FAM114A2: variants seen among roughly 807,000 people sequenced by gnomAD.
The protein encoded by FAM114A2 is protein FAM114A2.
Under a neutral mutation model 58.4 loss-of-function variants are expected in FAM114A2, and 53 were observed. The observed-to-expected ratio is 0.91, with a 90% CI of 0.73 to 1.14. The LOEUF (loss-of-function observed/expected upper bound fraction) is 1.14. FAM114A2 is among the 50% of genes most tolerant of loss of function. The pLI, the probability that FAM114A2 is intolerant of heterozygous loss-of-function variation, is 0.00. For missense variants in FAM114A2, 601 were observed against 581.1 expected, an observed-to-expected ratio of 1.03 and a Z score of -0.35; for synonymous variants, 228 against 211.4, an observed-to-expected ratio of 1.08 and a Z score of -0.68.
intron 8 of FAM114A2, among the ~76,000 whole-genome samples, chr5:154,020,312 A>G (rs1390121040): frequency 7.5e-6 from 1 of 133,872 alleles, no homozygotes; most frequent in Non-Finnish European, 1.6e-5. Context: ...GCAGAACTGA[A>G]GGAGATAGAG....
intron 8 of FAM114A2, among the ~76,000 whole-genome samples, chr5:154,013,399 C>CT (rs1228330254): frequency 6.6e-6 from 1 of 152,136 alleles, no homozygotes; most frequent in Non-Finnish European, 1.5e-5. Flanking sequence ...GATACCACCA[C>CT]TTTTTTAAAA....
chr5:154,028,127 A>C (rs1364100281), intron 6 of FAM114A2, 22 bp downstream of exon 6: 2 of 1,581,310 alleles, frequency 1.3e-6, no homozygotes, highest in Non-Finnish European at 1.7e-6. Flanking sequence ...ACAGGAAGTA[A>C]ACAGGTAAGG....
chr5:153,992,376 T>C lies in FAM114A2; in HGVS notation c.*600A>G, dbSNP rs529607332. The C allele has an allele frequency of 1.3e-5, 2 of 152,350 alleles. No individual in the cohort carries two copies. Among genetic ancestry groups the C allele is most frequent in the African/African-American group, 4.8e-5 (2 of 41,582 alleles). The allele number at this position is 152,350 out of a possible 1,614,324, so 9.4% of individuals were successfully genotyped here. A position where few individuals can be genotyped will look rare whatever the true frequency, so the allele number is the denominator to read the frequency against. ...CTACAGTTAATTCACATGGCTATAA[T>C]AGTCTACAAGTTTCTCCTCAATGCC... On this transcript the variant is annotated 3_prime_UTR_variant, in exon 14 of 14. Transcript: ENST00000351797.
intron 13 of FAM114A2, among the ~76,000 whole-genome samples, chr5:153,993,857 G>T (rs1769397963): frequency 1.3e-5 from 2 of 151,968 alleles, no homozygotes; most frequent in African/African-American, 4.8e-5. Flanking sequence ...ATTTATCAAT[G>T]GCAAGTACTA....
chr5:154,002,158 G>T, intron 11 of FAM114A2, 93 bp downstream of exon 11: 2 of 1,208,474 alleles, frequency 1.7e-6, no homozygotes, highest in Non-Finnish European at 2.4e-6. Context: ...TGACGTGAAT[G>T]GTTTCTTGAG....
chr5:154,031,507 T>C (rs918347910), intron 4 of FAM114A2, among the ~76,000 whole-genome samples: 2 of 152,062 alleles, frequency 1.3e-5, no homozygotes, highest in Non-Finnish European at 2.9e-5. Context: ...ACAAGACACA[T>C]CCTTGGCAGA....
At chr5:154,006,817 G>A (rs757382876) in intron 9 of FAM114A2, among the ~76,000 whole-genome samples, 6 of 135,968 alleles carry the variant, frequency 4.4e-5, no homozygotes, top group Non-Finnish European at 9.3e-5. Context: ...TTTTTTTTGA[G>A]ATGGAGTCTC....
At chr5:153,997,728 G>T in intron 12 of FAM114A2, 75 bp downstream of exon 12, 2 of 918,942 alleles carry the variant, frequency 2.2e-6, no homozygotes, top group South Asian at 2.8e-5. Flanking sequence ...CACTTAAAGT[G>T]AGCAAATTTT....
chr5:154,010,052 A>G (rs1204140468), intron 9 of FAM114A2, among the ~76,000 whole-genome samples: 1 of 152,246 alleles, frequency 6.6e-6, no homozygotes, highest in African/African-American at 2.4e-5. Context: ...ATGTAAGGGA[A>G]TATCCCTATC....
chr5:154,005,493 C>G (rs1402682964), intron 9 of FAM114A2, among the ~76,000 whole-genome samples: 1 of 152,132 alleles, frequency 6.6e-6, no homozygotes, highest in East Asian at 1.9e-4. Flanking sequence ...AGTCACCCAC[C>G]CTGAAGCTGC....
chr5:154,034,131 T>A, intron 3 of FAM114A2, 147 bp downstream of exon 3: 1 of 628,526 alleles, frequency 1.6e-6, no homozygotes, highest in Non-Finnish European at 2.8e-6. Flanking sequence ...GCAGTATATA[T>A]CAGCCCATCA....
At chr5:153,999,156 A>G (rs893663152) in intron 11 of FAM114A2, among the ~76,000 whole-genome samples, 2 of 152,216 alleles carry the variant, frequency 1.3e-5, no homozygotes, top group Non-Finnish European at 2.9e-5. Context: ...CAACAATAAA[A>G]GAAAATCTCA....
chr5:154,026,147 G>A (rs993631682), intron 8 of FAM114A2, among the ~76,000 whole-genome samples: 1 of 152,180 alleles, frequency 6.6e-6, no homozygotes, highest in East Asian at 1.9e-4. Flanking sequence ...TGCAAGATTA[G>A]ACCTTGAGAA....
Position 153,997,825 on chromosome 5 carries a change from G to C in FAM114A2, c.1307C>G (p.Thr436Ser). ...TACCCCAGCAGTTGTTAGGCAGGTA[G>C]TGAACTCTTTAGACAGAGAGGACAA... Reference protein sequence around the residue: ...KELSSLSKEFTTCLTTAGVKE... With the variant: ...KELSSLSKEFSTCLTTAGVKE... Residue 436 changes from threonine (T) to serine (S), a missense_variant, in exon 12 of 14, where the codon ACT becomes AGT. Coordinates refer to ENST00000351797, the MANE Select transcript of FAM114A2 (RefSeq NM_018691.4). The C allele has an allele frequency of 5.6e-6, 9 of 1,597,802 alleles. No homozygotes were observed. The highest frequency in any genetic ancestry group is 6.9e-6 in the Non-Finnish European group (8 of 1,165,306).
intron 1 of FAM114A2, chr5:154,037,354 A>T (rs897372506): frequency 6.6e-6 from 1 of 152,258 alleles, no homozygotes; most frequent in Non-Finnish European, 1.5e-5. Flanking sequence ...AAAAATCCAG[A>T]TACAACTACT....
At chr5:154,029,265 T>C (rs991983230) in intron 5 of FAM114A2, among the ~76,000 whole-genome samples, 4 of 152,198 alleles carry the variant, frequency 2.6e-5, no homozygotes, top group Non-Finnish European at 5.9e-5. Flanking sequence ...TACTCCCTTA[T>C]TTATTGCTAC....
At chr5:153,999,283 A>G (rs1264844513) in intron 11 of FAM114A2, among the ~76,000 whole-genome samples, 3 of 152,220 alleles carry the variant, frequency 2.0e-5, no homozygotes, top group Non-Finnish European at 4.4e-5. Flanking sequence ...AGGAAAATGG[A>G]AATCAAGACC....
intron 1 of FAM114A2, among the ~76,000 whole-genome samples, chr5:154,036,554 A>C (rs1426338082): frequency 6.6e-6 from 1 of 152,218 alleles, no homozygotes; most frequent in East Asian, 1.9e-4. Context: ...TTAGAAAAGA[A>C]AGGCATATTA....
At chr5:154,015,873 GAT>G (rs1771006224) in intron 8 of FAM114A2, among the ~76,000 whole-genome samples, 1 of 152,054 alleles carries the variant, frequency 6.6e-6, no homozygotes, top group African/African-American at 2.4e-5. Context: ...TCAAAAAAAT[GAT>G]ATGAGAAGTG....
Sources: allele counts gnomAD v4.1 joint callset (sites outside exome capture counted in the v4.1 genomes callset), GRCh38; gene constraint gnomAD v4.1.1; transcripts MANE v1.5; gene names NCBI Gene and HGNC (gene_info 2026-07-23, HGNC 2026-07-21).